ATF7IP: variants seen among roughly 807,000 people sequenced by gnomAD.
ATF7IP encodes activating transcription factor 7 interacting protein, also known as activating transcription factor 7-interacting protein 1.
ATF7IP carries 23 observed loss-of-function variants against 106.4 expected under a neutral mutation model. That is an observed-to-expected ratio of 0.22 (90% confidence interval 0.16 to 0.31). ATF7IP has a LOEUF of 0.31. Among genes scored for constraint, ATF7IP ranks in the 10% least tolerant of loss-of-function variants. ATF7IP has a pLI of 1.00. For missense variants in ATF7IP, 1,334 were observed against 1,524.3 expected (o/e 0.88, Z 2.08); for synonymous variants, 542 against 539.0 (o/e 1.01, Z -0.08).
intron 1 of ATF7IP, among the ~76,000 whole-genome samples, chr12:14,409,946 T>TA (rs1247060354): frequency 1.3e-5 from 2 of 152,168 alleles, no homozygotes; most frequent in Non-Finnish European, 2.9e-5. Flanking sequence ...TCACATGTCA[T>TA]ACAATTCATC....
rs747915351 is a variant in ATF7IP at position 14,425,394 on chromosome 12, G to A, written c.1479G>A (p.Leu493=). 3 of 1,610,804 alleles carry A rather than the reference G, an allele frequency of 1.9e-6. No homozygotes were observed. Among genetic ancestry groups the A allele is most frequent in the African/African-American group, 2.7e-5 (2 of 74,668 alleles). ...AGAGTTTGCCAAAAGAAGCCTTTCT[G>A]GTCCTCTCTGATGAAGAGGATATTT... ...SSESLPKEAF[L]VLSDEEDISG... The change falls in exon 2 of 15, where the codon CTG becomes CTA. Residue 493 remains leucine, a synonymous_variant. Coordinates refer to ENST00000261168, the MANE Select transcript of ATF7IP (RefSeq NM_018179.5).
rs754255718 is a variant in ATF7IP at position 14,466,519 on chromosome 12, T to G, written c.2798-7T>G. 5.6e-6 allele frequency: 9 copies of G among 1,597,860 alleles called. No homozygotes were observed. Among genetic ancestry groups the G allele is most frequent in the Non-Finnish European group, 7.7e-6 (9 of 1,175,144 alleles). On this transcript the variant is annotated splice_region_variant and splice_polypyrimidine_tract_variant and intron_variant, in intron 9 of 14. Coordinates refer to ENST00000261168, the MANE Select transcript of ATF7IP (RefSeq NM_018179.5). ...TGTTTTTAAAAATGGCTTTTTTTACTTTTCAGAAAACCAGACAAACAAAAC... is the reference window on the plus strand; with the variant it reads ...TGTTTTTAAAAATGGCTTTTTTTACGTTTCAGAAAACCAGACAAACAAAAC...
chr12:14,481,440 G>C, intron 13 of ATF7IP: 1 of 458,464 alleles, frequency 2.2e-6, no homozygotes, highest in Non-Finnish European at 3.6e-6. Context: ...AGGTAAGTAT[G>C]TGAGATCATG....
intron 1 of ATF7IP, among the ~76,000 whole-genome samples, chr12:14,409,677 A>G (rs1940797913): frequency 6.6e-6 from 1 of 152,138 alleles, no homozygotes; most frequent in Admixed American, 6.6e-5. Flanking sequence ...AGCTCATCCA[A>G]GATGAGGACA....
At chr12:14,384,498 A>G (rs1202443182) in intron 1 of ATF7IP, among the ~76,000 whole-genome samples, 2 of 152,106 alleles carry the variant, frequency 1.3e-5, no homozygotes, top group African/African-American at 4.8e-5. Flanking sequence ...TTTCACTCAC[A>G]TCAAAAAGTT....
At chr12:14,388,014 C>CTT (rs34633217) in intron 1 of ATF7IP, among the ~76,000 whole-genome samples, 5 of 120,842 alleles carry the variant, frequency 4.1e-5, no homozygotes, top group Admixed American at 2.6e-4. Context: ...TTCATTCTTT[C>CTT]TTTTTTTTTT....
At chr12:14,477,624 T>C (rs1418482327) in intron 11 of ATF7IP, among the ~76,000 whole-genome samples, 6 of 152,216 alleles carry the variant, frequency 3.9e-5, no homozygotes, top group Non-Finnish European at 2.9e-5. Flanking sequence ...ATTCTCACAT[T>C]CCTAAAGCAC....
chr12:14,492,384 C>T (rs1944857391), intron 13 of ATF7IP, among the ~76,000 whole-genome samples: 1 of 151,980 alleles, frequency 6.6e-6, no homozygotes, highest in Non-Finnish European at 1.5e-5. Context: ...CCAGAGATCT[C>T]CTTGGGGAAG....
Position 14,424,290 on chromosome 12 carries a change from G to T in ATF7IP, c.375G>T (p.Leu125=), listed in dbSNP as rs891803210. Residue 125 remains leucine, a synonymous_variant, in exon 2 of 15, where the codon CTG becomes CTT. Transcript: ENST00000261168. The part of the protein sequence containing the change: ...HNITPEPVSK[L]PAEPVSGDPA... ...TAACTCCAGAACCAGTCTCTAAACT[G>T]CCTGCTGAACCAGTTTCTGGTGATC... The T allele has an allele frequency of 3.1e-6, 5 of 1,614,190 alleles. No individual in the cohort carries two copies. Among genetic ancestry groups the T allele is most frequent in the Non-Finnish European group, 4.2e-6 (5 of 1,180,044 alleles).
Position 14,435,457 on chromosome 12 carries a change from A to C in ATF7IP, c.1646-649A>C, listed in dbSNP as rs141323106. On this transcript the variant is annotated intron_variant, in intron 3 of 14. Coordinates refer to ENST00000261168, the MANE Select transcript of ATF7IP (RefSeq NM_018179.5). Reference sequence around the variant, plus strand: ...GATATTAGTGTTTTAATTTTTTTAGATATTGAAGAAGCCAGATACAAATTT... The same window carrying C: ...GATATTAGTGTTTTAATTTTTTTAGCTATTGAAGAAGCCAGATACAAATTT... 9.8e-3 allele frequency among the ~76,000 whole-genome samples: 1,486 copies of C among 152,312 alleles called. 19 individuals are homozygous for C. The highest frequency in any genetic ancestry group is 0.065 in the Middle Eastern group (19 of 294).
chr12:14,379,273 G>A (rs1472781117), intron 1 of ATF7IP, among the ~76,000 whole-genome samples: 1 of 152,084 alleles, frequency 6.6e-6, no homozygotes, highest in Non-Finnish European at 1.5e-5. Context: ...TGATGTGCAT[G>A]CTCCCCCTTT....
chr12:14,403,992 T>C (rs566274399), intron 1 of ATF7IP, among the ~76,000 whole-genome samples: 3 of 152,278 alleles, frequency 2.0e-5, no homozygotes, highest in South Asian at 4.1e-4. Flanking sequence ...ATACTCTTTT[T>C]TCCCCCGTCT....
intron 1 of ATF7IP, among the ~76,000 whole-genome samples, chr12:14,416,025 A>C (rs2136516818): frequency 6.6e-6 from 1 of 152,326 alleles, no homozygotes; most frequent in East Asian, 1.9e-4. Context: ...GCAGATAAGT[A>C]TCAAAGTGAG....
At chr12:14,386,348 C>T (rs1156633306) in intron 1 of ATF7IP, among the ~76,000 whole-genome samples, 1 of 152,042 alleles carries the variant, frequency 6.6e-6, no homozygotes, top group Non-Finnish European at 1.5e-5. Context: ...TTTCAGATAG[C>T]AGAAAAGGCA....
At chr12:14,463,621 GA>G (rs929598542) in intron 9 of ATF7IP, among the ~76,000 whole-genome samples, 1 of 152,160 alleles carries the variant, frequency 6.6e-6, no homozygotes, top group Non-Finnish European at 1.5e-5. Context: ...AAGAATGGGG[GA>G]AATACGGTTA....
chr12:14,471,795 C>T (rs1944054423), intron 10 of ATF7IP, among the ~76,000 whole-genome samples: 1 of 152,136 alleles, frequency 6.6e-6, no homozygotes, highest in South Asian at 2.1e-4. Flanking sequence ...CAGTCCCTCC[C>T]ACCACACATG....
rs1159182988 is a variant in ATF7IP at position 14,391,538 on chromosome 12, TTATCCC to T, written c.-8+25713_-8+25718del. Among the ~76,000 whole-genome samples the T allele has an allele frequency of 3.3e-5, 5 of 152,248 alleles. No homozygotes were observed. The East Asian group carries it at 9.6e-4, about 29-fold the overall frequency. On this transcript the variant is annotated intron_variant, in intron 1 of 14. Transcript: ENST00000261168. ...TGGATAAATATTTAACCTCTTTGTGTTATCCCTGATCATTAAATGAGATGGGTCGTT... is the reference window on the plus strand; with the variant it reads ...TGGATAAATATTTAACCTCTTTGTGTTGATCATTAAATGAGATGGGTCGTT...
At chr12:14,406,760 CTT>C (rs1025103822) in intron 1 of ATF7IP, among the ~76,000 whole-genome samples, 1 of 150,080 alleles carries the variant, frequency 6.7e-6, no homozygotes, top group Non-Finnish European at 1.5e-5. Context: ...GCCTGGCTGA[CTT>C]TTTGTATTTT....
chr12:14,395,154 C>G (rs1200069740), intron 1 of ATF7IP: 1 of 151,852 alleles, frequency 6.6e-6, no homozygotes, highest in Non-Finnish European at 1.5e-5. Context: ...GAAGGCTGAC[C>G]TAGAAGTCTG....
Sources: allele counts gnomAD v4.1 joint callset (sites outside exome capture counted in the v4.1 genomes callset), GRCh38; gene constraint gnomAD v4.1.1; transcripts MANE v1.5; gene names NCBI Gene and HGNC (gene_info 2026-07-23, HGNC 2026-07-21).